The following FCRL2 variants were observed in gnomAD, a reference collection of about 807,000 sequenced individuals.
FCRL2 encodes Fc receptor like 2, also known as Fc receptor-like protein 2.
Under a neutral mutation model 59.8 loss-of-function variants are expected in FCRL2, and 48 were observed. The ratio of observed to expected loss-of-function variants is 0.80; its 90% CI spans 0.64 to 1.02. The LOEUF (loss-of-function observed/expected upper bound fraction) is 1.02, where lower values mean the gene tolerates loss of function less well. Ranked by LOEUF, FCRL2 falls within the 50% of genes least tolerant of loss-of-function variation. The pLI is 0.00. For missense variants in FCRL2, 658 were observed against 597.3 expected, an observed-to-expected ratio of 1.10 and a Z score of -1.06; for synonymous variants, 251 against 229.5, an observed-to-expected ratio of 1.09 and a Z score of -0.85.
At chr1:157,750,100 T>TTTTAAA (rs1648071790) in intron 7 of FCRL2, among the ~76,000 whole-genome samples, 1 of 152,236 alleles carries the variant, frequency 6.6e-6, no homozygotes, top group Non-Finnish European at 1.5e-5. Flanking sequence ...ATGTTTGATA[T>TTTTAAA]TTGCAACACT....
At chr1:157,775,338 A>G (rs1242314944) in intron 2 of FCRL2, among the ~76,000 whole-genome samples, 1 of 152,232 alleles carries the variant, frequency 6.6e-6, no homozygotes, top group African/African-American at 2.4e-5. Flanking sequence ...TAGAGAAGCA[A>G]TGAGGACACA....
At chr1:157,768,874 G>T in intron 4 of FCRL2, 173 bp from the exon 5 acceptor site, 1 of 673,854 alleles carries the variant, frequency 1.5e-6, no homozygotes, top group South Asian at 2.2e-5. Context: ...CAGGAATGTG[G>T]ATAAAGACAT....
intron 1 of FCRL2, among the ~76,000 whole-genome samples, chr1:157,776,479 G>A (rs1290453812): frequency 3.3e-5 from 5 of 151,950 alleles, no homozygotes; most frequent in Non-Finnish European, 5.9e-5. Context: ...CATGTTGGCC[G>A]GGGTGGTCTC....
chr1:157,759,156 C>T (rs949054307), intron 7 of FCRL2, among the ~76,000 whole-genome samples: 3 of 152,082 alleles, frequency 2.0e-5, no homozygotes, highest in South Asian at 4.1e-4. Flanking sequence ...TCCCACTTTG[C>T]TTGGCACTTC....
At chr1:157,767,060 C>A in intron 6 of FCRL2, 89 bp from the exon 7 acceptor site, 1 of 1,363,244 alleles carries the variant, frequency 7.3e-7, no homozygotes, top group Non-Finnish European at 1.0e-6. Context: ...AATACAAATT[C>A]AAGTAAGAGA....
chr1:157,754,412 C>T (rs187521799), intron 7 of FCRL2, among the ~76,000 whole-genome samples: 5 of 152,252 alleles, frequency 3.3e-5, no homozygotes, highest in Admixed American at 3.3e-4. Context: ...GAATAATCCA[C>T]CCCTTGTTTA....
At chr1:157,747,626 A>G (rs1000420311) in intron 10 of FCRL2, among the ~76,000 whole-genome samples, 4 of 152,198 alleles carry the variant, frequency 2.6e-5, no homozygotes, top group African/African-American at 9.6e-5. Context: ...CAAGCTGTCA[A>G]CAGCCACTGG....
At chr1:157,757,617 A>G (rs1234191726) in intron 7 of FCRL2, among the ~76,000 whole-genome samples, 1 of 152,232 alleles carries the variant, frequency 6.6e-6, no homozygotes, top group African/African-American at 2.4e-5. Context: ...AATGAAATTT[A>G]TCTTGCTGGC....
chr1:157,770,217 G>T (rs1416485920), intron 3 of FCRL2, 67 bp from the exon 4 acceptor site: 23 of 1,563,838 alleles, frequency 1.5e-5, no homozygotes, highest in Non-Finnish European at 1.9e-5. Context: ...AAAGCCTCTG[G>T]CAAGAAGCAA....
intron 2 of FCRL2, among the ~76,000 whole-genome samples, chr1:157,771,875 G>A (rs1370147755): frequency 6.6e-6 from 1 of 151,944 alleles, no homozygotes; most frequent in Admixed American, 6.6e-5. Flanking sequence ...TAAGAGATGT[G>A]GTGACTCATA....
chr1:157,747,999 G>A (rs375480774), intron 10 of FCRL2, among the ~76,000 whole-genome samples: 96 of 152,112 alleles, frequency 6.3e-4, no homozygotes, highest in African/African-American at 2.2e-3. Flanking sequence ...TTCAAATGAA[G>A]ACTCATTAGA....
intron 7 of FCRL2, among the ~76,000 whole-genome samples, chr1:157,761,129 G>A (rs1205468501): frequency 6.6e-6 from 1 of 152,172 alleles, no homozygotes. Context: ...TCCTGTATCT[G>A]ATAGGTTAAA....
chr1:157,760,249 T>C (rs907692359), intron 7 of FCRL2, among the ~76,000 whole-genome samples: 8 of 152,122 alleles, frequency 5.3e-5, no homozygotes, highest in Non-Finnish European at 5.9e-5. Context: ...TGAGTGCATA[T>C]GAACACAAAG....
At chr1:157,751,894 C>T (rs74533464) in intron 7 of FCRL2, among the ~76,000 whole-genome samples, 7 of 151,026 alleles carry the variant, frequency 4.6e-5, no homozygotes, top group East Asian at 3.9e-4. Context: ...TTTTCTCAAC[C>T]GAGCAAACCT....
chr1:157,767,517 A>G lies in FCRL2; in HGVS notation c.884-8T>C, dbSNP rs759424098. On this transcript the variant is annotated splice_region_variant and splice_polypyrimidine_tract_variant and intron_variant, in intron 5 of 11. Transcript: ENST00000361516. ...CAGGGCGAGACACTGGAACTGACAG[A>G]CACAGAGGGGCTATCAGAAAAGATT... 3 of 1,614,250 alleles carry G rather than the reference A, an allele frequency of 1.9e-6. No individual in the cohort carries two copies. The highest frequency in any genetic ancestry group is 1.6e-4 in the Middle Eastern group (1 of 6,062).
intron 7 of FCRL2, among the ~76,000 whole-genome samples, chr1:157,757,720 C>T (rs576972106): frequency 3.9e-5 from 6 of 152,114 alleles, no homozygotes; most frequent in Non-Finnish European, 5.9e-5. Flanking sequence ...CCCAGCACTT[C>T]GGGAGGCCGA....
chr1:157,755,012 T>C (rs1199150119), intron 7 of FCRL2, among the ~76,000 whole-genome samples: 1 of 151,694 alleles, frequency 6.6e-6, no homozygotes, highest in Admixed American at 6.6e-5. Flanking sequence ...TTTTCTATCA[T>C]CTAAGAATGG....
intron 1 of FCRL2, among the ~76,000 whole-genome samples, chr1:157,776,395 G>A (rs900742652): frequency 1.6e-4 from 24 of 152,026 alleles, no homozygotes; most frequent in African/African-American, 2.7e-4. Context: ...TCAGCTTCCC[G>A]AGTAGCTGGA....
chr1:157,749,954 G>T (rs773387198), intron 7 of FCRL2, among the ~76,000 whole-genome samples: 3 of 151,986 alleles, frequency 2.0e-5, no homozygotes, highest in Non-Finnish European at 4.4e-5. Context: ...CTGTTCTATT[G>T]TCTCTTTGTC....
Sources: gnomAD v4.1 joint callset for allele counts (sites outside exome capture counted in the v4.1 genomes callset) on GRCh38, gnomAD v4.1.1 for gene constraint, MANE v1.5 for transcripts, NCBI Gene and HGNC (gene_info 2026-07-23, HGNC 2026-07-21) for gene names.